Variants in NRG1 observed in about 807,000 individuals in gnomAD.
NRG1 encodes the protein neuregulin 1, also known as pro-neuregulin-1, membrane-bound isoform.
Under a neutral mutation model 63.8 loss-of-function variants are expected in NRG1, and 18 were observed. The ratio of observed to expected loss-of-function variants is 0.28; its 90% CI spans 0.19 to 0.42. The LOEUF is 0.42. Ranked by LOEUF, NRG1 falls within the 10% of genes least tolerant of loss-of-function variation. NRG1 has a pLI of 1.00. For synonymous variants in NRG1, 302 were observed against 301.3 expected (o/e 1.00, Z -0.02); for missense variants, 762 against 814.7 (o/e 0.94, Z 0.79).
intron 1 of NRG1, among the ~76,000 whole-genome samples, chr8:32,302,432 C>T (rs1379310333): frequency 6.6e-6 from 1 of 152,130 alleles, no homozygotes; most frequent in Non-Finnish European, 1.5e-5. Context: ...TGTAAACTTA[C>T]GTGTAGGAAA....
At chr8:32,654,940 C>T (rs896309500) in intron 5 of NRG1, among the ~76,000 whole-genome samples, 1 of 152,114 alleles carries the variant, frequency 6.6e-6, no homozygotes, top group Non-Finnish European at 1.5e-5. Flanking sequence ...GTAGACTTGA[C>T]TTTCAATCCT....
chr8:32,558,172 C>T (rs1008403515), intron 1 of NRG1, among the ~76,000 whole-genome samples: 3 of 152,230 alleles, frequency 2.0e-5, no homozygotes, highest in South Asian at 4.1e-4. Context: ...ACGGAGTCAT[C>T]GCCTTCTCAG....
intron 1 of NRG1, among the ~76,000 whole-genome samples, chr8:32,121,673 A>AT (rs1222813761): frequency 8.5e-5 from 13 of 152,076 alleles, no homozygotes; most frequent in African/African-American, 3.1e-4. Flanking sequence ...GAAACAAACT[A>AT]TTTTGAGACC....
At chr8:31,944,853 GT>G (rs1208548617) in intron 1 of NRG1, among the ~76,000 whole-genome samples, 10 of 152,216 alleles carry the variant, frequency 6.6e-5, no homozygotes, top group African/African-American at 2.4e-4. Flanking sequence ...TGTATGTAGT[GT>G]TTAATTGAAT....
intron 1 of NRG1, among the ~76,000 whole-genome samples, chr8:32,552,288 T>C (rs1834305206): frequency 1.4e-5 from 2 of 147,872 alleles, no homozygotes; most frequent in South Asian, 4.2e-4. Flanking sequence ...TGTCGATATG[T>C]TGTTCTTACT....
At chr8:31,956,682 G>A (rs559236813) in intron 1 of NRG1, among the ~76,000 whole-genome samples, 2 of 152,174 alleles carry the variant, frequency 1.3e-5, no homozygotes, top group South Asian at 2.1e-4. Flanking sequence ...TTTAATCCTC[G>A]CAAATATTTT....
chr8:32,143,673 T>C (rs1179670024), intron 1 of NRG1, among the ~76,000 whole-genome samples: 1 of 152,248 alleles, frequency 6.6e-6, no homozygotes, highest in African/African-American at 2.4e-5. Context: ...GGCAAGGACT[T>C]GAGCCTGGTG....
chr8:32,654,618 G>C (rs1205269901), intron 5 of NRG1, among the ~76,000 whole-genome samples: 3 of 76,142 alleles, frequency 3.9e-5, no homozygotes, highest in Non-Finnish European at 6.1e-5. Context: ...GACAGAGTCA[G>C]ACTCTGCCTC....
At chr8:32,541,394 G>A (rs749670807) in intron 1 of NRG1, among the ~76,000 whole-genome samples, 1 of 151,726 alleles carries the variant, frequency 6.6e-6, no homozygotes, top group South Asian at 2.1e-4. Flanking sequence ...TGATGGGTCC[G>A]TGTTTCACTC....
intron 1 of NRG1, among the ~76,000 whole-genome samples, chr8:32,082,730 A>T (rs1189965264): frequency 1.3e-5 from 2 of 152,132 alleles, no homozygotes; most frequent in African/African-American, 4.8e-5. Context: ...CTAAGATCTG[A>T]TTTAAGAACA....
chr8:32,106,399 C>T (rs904050254), intron 1 of NRG1, among the ~76,000 whole-genome samples: 2 of 152,158 alleles, frequency 1.3e-5, no homozygotes, highest in African/African-American at 2.4e-5. Flanking sequence ...CACATAGGCA[C>T]ATCATCTCAG....
chr8:32,197,068 T>C (rs939546230), intron 1 of NRG1, among the ~76,000 whole-genome samples: 5 of 147,234 alleles, frequency 3.4e-5, no homozygotes, highest in African/African-American at 1.2e-4. Flanking sequence ...CAAACGATTC[T>C]CCTGCCTCAG....
At chr8:31,961,139 T>C (rs1313621929) in intron 1 of NRG1, among the ~76,000 whole-genome samples, 2 of 152,222 alleles carry the variant, frequency 1.3e-5, no homozygotes, top group Non-Finnish European at 2.9e-5. Context: ...TAGTAGAATC[T>C]AGTGCATTTA....
intron 1 of NRG1, among the ~76,000 whole-genome samples, chr8:32,174,346 A>T (rs1005976695): frequency 3.9e-5 from 6 of 152,170 alleles, no homozygotes; most frequent in African/African-American, 1.2e-4. Flanking sequence ...GTGTAGAGGG[A>T]AATTTATAGC....
At chr8:32,362,936 G>C (rs1191217078) in intron 1 of NRG1, among the ~76,000 whole-genome samples, 1 of 152,122 alleles carries the variant, frequency 6.6e-6, no homozygotes, top group Non-Finnish European at 1.5e-5. Flanking sequence ...ACGGGTCTCT[G>C]ATCACAGCAG....
chr8:32,173,396 G>A (rs937134393), intron 1 of NRG1, among the ~76,000 whole-genome samples: 1 of 152,200 alleles, frequency 6.6e-6, no homozygotes, highest in African/African-American at 2.4e-5. Context: ...ATGCCAAATT[G>A]TAAAGACCAT....
chr8:32,754,224 T>TAG (rs1829252712), intron 7 of NRG1, 148 bp from the exon 8 acceptor site: 1 of 686,924 alleles, frequency 1.5e-6, no homozygotes, highest in African/African-American at 1.8e-5. Flanking sequence ...TGTTGTACCT[T>TAG]AGCTATGTGT....
intron 1 of NRG1, among the ~76,000 whole-genome samples, chr8:32,327,238 T>C (rs1172569175): frequency 6.6e-6 from 1 of 152,214 alleles, no homozygotes; most frequent in South Asian, 2.1e-4. Flanking sequence ...GTGATCCAAC[T>C]TTTCTTCCAT....
intron 2 of NRG1, among the ~76,000 whole-genome samples, chr8:32,598,264 G>T (rs1184812051): frequency 1.3e-5 from 2 of 151,972 alleles, no homozygotes; most frequent in Non-Finnish European, 2.9e-5. Context: ...AGGGAGGGAG[G>T]AGAATTTCAT....
Sources: allele counts gnomAD v4.1 joint callset (sites outside exome capture counted in the v4.1 genomes callset), GRCh38; gene constraint gnomAD v4.1.1; transcripts MANE v1.5; gene names NCBI Gene and HGNC (gene_info 2026-07-23, HGNC 2026-07-21).